METTL25: variants seen among roughly 807,000 people sequenced by gnomAD.
METTL25 encodes methyltransferase like 25, also known as probable methyltransferase-like protein 25.
Under a neutral mutation model 71.6 loss-of-function variants are expected in METTL25, and 64 were observed. The ratio of observed to expected loss-of-function variants is 0.89; its 90% CI spans 0.73 to 1.10. The LOEUF is 1.10. Ranked by LOEUF, METTL25 falls within the 50% of genes least tolerant of loss-of-function variation. METTL25 has a pLI of 0.00. For synonymous variants in METTL25, 287 were observed against 250.3 expected, an observed-to-expected ratio of 1.15 and a Z score of -1.38; for missense variants, 807 against 707.0, an observed-to-expected ratio of 1.14 and a Z score of -1.60.
chr12:82,440,508 A>C (rs1405300540), intron 8 of METTL25, among the ~76,000 whole-genome samples: 1 of 152,018 alleles, frequency 6.6e-6, no homozygotes, highest in Admixed American at 6.6e-5. Context: ...ATGATACTTG[A>C]TTCTACTTTT....
intron 1 of METTL25, among the ~76,000 whole-genome samples, chr12:82,380,402 C>G (rs992831562): frequency 6.9e-6 from 1 of 144,626 alleles, no homozygotes; most frequent in African/African-American, 2.6e-5. Flanking sequence ...GCACATGCAT[C>G]CCGACCTTAA....
intron 8 of METTL25, among the ~76,000 whole-genome samples, chr12:82,451,152 A>G (rs1891121445): frequency 6.6e-6 from 1 of 152,168 alleles, no homozygotes; most frequent in South Asian, 2.1e-4. Context: ...ACTGTTCTCC[A>G]GATTGTTGTC....
chr12:82,386,768 A>G, intron 1 of METTL25, 35 bp from the exon 2 acceptor site: 1 of 1,566,754 alleles, frequency 6.4e-7, no homozygotes, highest in Non-Finnish European at 8.8e-7. Flanking sequence ...ACCATTAATT[A>G]TTGCTGAAGA....
intron 7 of METTL25, among the ~76,000 whole-genome samples, chr12:82,436,069 G>A (rs2717449): frequency 0.92 from 138,905 of 150,866 alleles, 64,306 homozygotes; most frequent in East Asian, 1. Context: ...AGGTCTGGGG[G>A]AAAAAAGAGA....
chr12:82,371,293 C>G (rs1260757994), intron 1 of METTL25, among the ~76,000 whole-genome samples: 1 of 152,200 alleles, frequency 6.6e-6, no homozygotes, highest in African/African-American at 2.4e-5. Flanking sequence ...CCCAGGCACC[C>G]TCAGTCCTGT....
chr12:82,424,504 G>A (rs1000399244), intron 5 of METTL25, among the ~76,000 whole-genome samples: 6 of 151,428 alleles, frequency 4.0e-5, no homozygotes, highest in Non-Finnish European at 8.8e-5. Context: ...CCTGCACATT[G>A]TGCACATGTA....
In METTL25 at chr12:82,399,126, A is replaced by T; in HGVS notation, c.863A>T (p.Asn288Ile). The T allele has an allele frequency of 1.2e-6, 2 of 1,613,794 alleles. No individual in the cohort carries two copies. The highest frequency in any genetic ancestry group is 1.7e-6 in the Non-Finnish European group (2 of 1,179,868). ...GATTTTTCTGGCTCTGTAATTTCTA[A>T]TATCAGAAACCAAATGGAAACCCTT... ...LPDFSGSVISNIRNQMETLHS... is the reference protein window; with the variant it reads ...LPDFSGSVISIIRNQMETLHS... The change falls in exon 4 of 12, where the codon AAT becomes ATT. Residue 288 changes from asparagine (N) to isoleucine (I), a missense_variant. Coordinates refer to ENST00000248306, the MANE Select transcript of METTL25 (RefSeq NM_032230.3).
At chr12:82,473,626 A>T (rs373103824) in intron 9 of METTL25, among the ~76,000 whole-genome samples, 1 of 152,166 alleles carries the variant, frequency 6.6e-6, no homozygotes, top group African/African-American at 2.4e-5. Flanking sequence ...CAGCGGGTGC[A>T]GCACCACAGG....
intron 1 of METTL25, among the ~76,000 whole-genome samples, chr12:82,375,943 C>T (rs1883811737): frequency 6.6e-6 from 1 of 152,102 alleles, no homozygotes; most frequent in Non-Finnish European, 1.5e-5. Flanking sequence ...TGACCTCTGC[C>T]TTCAAAAATG....
At position 82,358,777 on chromosome 12, in the gene METTL25, C is replaced by T; in HGVS notation, c.212C>T (p.Ala71Val). The T allele has an allele frequency of 6.2e-7, 1 of 1,613,808 alleles. No homozygotes were observed. The highest frequency in any genetic ancestry group is 8.5e-7 in the Non-Finnish European group (1 of 1,179,936). ...AGGAAGTCAGCGTCGGAGACGGAGG[C>T]CCTGCCCTCAGAGACGCGCCCCCTA... ...ALRKSASETE[A>V]LPSETRPLVE... Residue 71 changes from alanine (A) to valine (V), a missense_variant, in exon 1 of 12, where the codon GCC becomes GTC. Transcript: ENST00000248306.
At chr12:82,389,135 A>C (rs1314596436) in intron 2 of METTL25, among the ~76,000 whole-genome samples, 1 of 152,000 alleles carries the variant, frequency 6.6e-6, no homozygotes, top group East Asian at 1.9e-4. Context: ...ATTTTAATAT[A>C]CTTTATAATG....
At chr12:82,358,912 A>G in intron 1 of METTL25, 88 bp downstream of exon 1, 7 of 1,494,932 alleles carry the variant, frequency 4.7e-6, no homozygotes, top group Non-Finnish European at 6.3e-6. Context: ...AGCCAGCAGA[A>G]CCAGGTGCGT....
intron 1 of METTL25, among the ~76,000 whole-genome samples, chr12:82,375,920 A>G (rs1280239543): frequency 2.0e-5 from 3 of 152,226 alleles, no homozygotes; most frequent in African/African-American, 7.2e-5. Flanking sequence ...AGTTGTGGCC[A>G]GTACAACAGG....
intron 8 of METTL25, among the ~76,000 whole-genome samples, chr12:82,451,022 C>A (rs941044005): frequency 7.2e-5 from 11 of 152,130 alleles, no homozygotes; most frequent in Admixed American, 5.2e-4. Context: ...TGATCATCTC[C>A]CATCTCAAAT....
chr12:82,365,525 A>C (rs1882462440), intron 1 of METTL25, among the ~76,000 whole-genome samples: 1 of 152,192 alleles, frequency 6.6e-6, no homozygotes, highest in Admixed American at 6.5e-5. Flanking sequence ...GGAGATTAAG[A>C]TTTCATTATA....
chr12:82,464,094 T>C (rs542736302), intron 9 of METTL25, among the ~76,000 whole-genome samples: 8 of 152,162 alleles, frequency 5.3e-5, no homozygotes, highest in African/African-American at 1.9e-4. Context: ...TTGTTTGCTC[T>C]GCAGAAGCTT....
At position 82,412,744 on chromosome 12, in the gene METTL25, A is replaced by T. The variant is rs7294508; in HGVS notation, c.1279+9614A>T. Among the ~76,000 whole-genome samples, 446 of 152,222 alleles carry T rather than the reference A, an allele frequency of 2.9e-3. 4 individuals carry two copies. The highest frequency in any genetic ancestry group is 0.01 in the African/African-American group (420 of 41,566). On this transcript the variant is annotated intron_variant, in intron 5 of 11. Coordinates refer to ENST00000248306, the MANE Select transcript of METTL25 (RefSeq NM_032230.3). ...AGAATAAGTTTCTTTTGACAAGTAT[A>T]AAAGAATATTTATGTCCTTTTAAGT...
chr12:82,435,614 C>T (rs1276853835), intron 7 of METTL25, among the ~76,000 whole-genome samples: 3 of 151,234 alleles, frequency 2.0e-5, no homozygotes, highest in African/African-American at 7.3e-5. Flanking sequence ...TTATCACTTA[C>T]TAGTTCATAA....
At chr12:82,364,141 G>T (rs1008804587) in intron 1 of METTL25, among the ~76,000 whole-genome samples, 2 of 152,192 alleles carry the variant, frequency 1.3e-5, no homozygotes, top group Non-Finnish European at 2.9e-5. Flanking sequence ...GAATTCAGGA[G>T]CAGATTAACT....
Sources: allele counts gnomAD v4.1 joint callset (sites outside exome capture counted in the v4.1 genomes callset), GRCh38; gene constraint gnomAD v4.1.1; transcripts MANE v1.5; gene names NCBI Gene and HGNC (gene_info 2026-07-23, HGNC 2026-07-21).